Variants in AKAP19 observed in about 807,000 individuals in gnomAD.
The protein encoded by AKAP19 is A-kinase anchoring protein 19, also known as small A-kinase anchoring protein.
chr2:190,148,483 C>T, the AKAP19 span, among the ~76,000 whole-genome samples: 1 of 152,046 alleles, frequency 6.6e-6, no homozygotes, highest in African/African-American at 2.4e-5. Flanking sequence ...TGGTTATGTC[C>T]TTTCCTGGTT....
the AKAP19 span, among the ~76,000 whole-genome samples, chr2:189,986,988 T>A: frequency 6.6e-6 from 1 of 152,052 alleles, no homozygotes; most frequent in Non-Finnish European, 1.5e-5. Context: ...TTAGAAAACA[T>A]GTCCAAAAAA....
the AKAP19 span, among the ~76,000 whole-genome samples, chr2:190,182,815 G>C: frequency 3.9e-5 from 6 of 152,194 alleles, no homozygotes; most frequent in Non-Finnish European, 8.8e-5. Flanking sequence ...AAGCAAAGGA[G>C]ACAAAAATAA....
the AKAP19 span, among the ~76,000 whole-genome samples, chr2:190,096,080 A>G: frequency 6.6e-6 from 1 of 152,146 alleles, no homozygotes; most frequent in East Asian, 1.9e-4. Context: ...TCAGGAGTCA[A>G]AGAAGCTGAA....
the AKAP19 span, among the ~76,000 whole-genome samples, chr2:190,009,294 G>A: frequency 6.6e-6 from 1 of 152,130 alleles, no homozygotes; most frequent in African/African-American, 2.4e-5. Context: ...GATTCCAGGG[G>A]GCTAGAAGTA....
the AKAP19 span, among the ~76,000 whole-genome samples, chr2:189,995,446 T>C: frequency 1.8e-4 from 28 of 152,376 alleles, 1 homozygote; most frequent in Admixed American, 1.4e-3. Flanking sequence ...CTGCTCACTT[T>C]TGGTTTCCAT....
the AKAP19 span, among the ~76,000 whole-genome samples, chr2:189,902,805 A>G: frequency 2.0e-5 from 3 of 151,796 alleles, no homozygotes; most frequent in Non-Finnish European, 2.9e-5. Context: ...AATTTAGCCA[A>G]TAGGAAAGAG....
At chr2:189,938,440 C>T in the AKAP19 span, among the ~76,000 whole-genome samples, 1 of 151,710 alleles carries the variant, frequency 6.6e-6, no homozygotes, top group Non-Finnish European at 1.5e-5. Flanking sequence ...ATGGATGGAA[C>T]TGGAGGTCAT....
the AKAP19 span, among the ~76,000 whole-genome samples, chr2:190,013,401 A>C: frequency 3.3e-5 from 5 of 152,202 alleles, no homozygotes; most frequent in African/African-American, 1.2e-4. Context: ...ATAATTGTTC[A>C]TGGTAATCTC....
At chr2:190,161,377 A>G in the AKAP19 span, among the ~76,000 whole-genome samples, 1 of 152,176 alleles carries the variant, frequency 6.6e-6, no homozygotes, top group Non-Finnish European at 1.5e-5. Context: ...CCTATCAAGT[A>G]GCATACCTAT....
the AKAP19 span, chr2:189,924,149 A>T: frequency 0.014 from 23,169 of 1,611,336 alleles, 190 homozygotes; most frequent in Non-Finnish European, 0.018. Flanking sequence ...TTGATCAAGG[A>T]TGATGAAAAA....
the AKAP19 span, among the ~76,000 whole-genome samples, chr2:189,956,192 C>T: frequency 2.5e-3 from 3 of 1,218 alleles, no homozygotes; most frequent in Non-Finnish European, 5.5e-3. Context: ...TTTTTTGAGA[C>T]GGAGTCTCGC....
chr2:190,180,432 G>C, the AKAP19 span: 1 of 978,096 alleles, frequency 1.0e-6, no homozygotes, highest in Middle Eastern at 5.3e-4. The surrounding 1 kb of genome is among the most constrained non-coding windows in gnomAD (Gnocchi z 6.8). Flanking sequence ...TCGCAGCCCA[G>C]GGGGCCGAGA....
chr2:190,202,815 C>T, the AKAP19 span: 1 of 167,042 alleles, frequency 6.0e-6, no homozygotes, highest in Non-Finnish European at 1.5e-5. Flanking sequence ...GTGCAAATTC[C>T]TTATTTACAA....
At chr2:190,038,232 C>A in the AKAP19 span, among the ~76,000 whole-genome samples, 1 of 152,180 alleles carries the variant, frequency 6.6e-6, no homozygotes, top group East Asian at 1.9e-4. Flanking sequence ...GATGACCATG[C>A]TATTGCCCCT....
At chr2:189,976,186 T>G in the AKAP19 span, among the ~76,000 whole-genome samples, 1 of 152,226 alleles carries the variant, frequency 6.6e-6, no homozygotes, top group Non-Finnish European at 1.5e-5. Context: ...TTGTTAGTTT[T>G]CCTTCTAACA....
the AKAP19 span, among the ~76,000 whole-genome samples, chr2:190,134,707 T>C: frequency 2.4e-5 from 2 of 83,120 alleles, no homozygotes; most frequent in Non-Finnish European, 5.4e-5. Flanking sequence ...GGAAGTTAAC[T>C]TTAAATGTGT....
At chr2:190,126,533 C>G in the AKAP19 span, among the ~76,000 whole-genome samples, 2 of 151,730 alleles carry the variant, frequency 1.3e-5, no homozygotes, top group Non-Finnish European at 2.9e-5. Flanking sequence ...TCTTAAAGAG[C>G]TTTACCTCAC....
At chr2:190,147,175 T>C in the AKAP19 span, among the ~76,000 whole-genome samples, 1 of 152,348 alleles carries the variant, frequency 6.6e-6, no homozygotes, top group Non-Finnish European at 1.5e-5. Flanking sequence ...TTGATTTGTG[T>C]ATAAGGTGAG....
chr2:189,986,970 A>C, the AKAP19 span, among the ~76,000 whole-genome samples: 1 of 152,144 alleles, frequency 6.6e-6, no homozygotes, highest in Admixed American at 6.6e-5. Context: ...GTCAGGAAAA[A>C]GGCAGGCTTA....
Sources: gnomAD v4.1 joint callset for allele counts (sites outside exome capture counted in the v4.1 genomes callset) on GRCh38, gnomAD v4.1.1 for gene constraint, Gnocchi (gnomAD v3.1) non-coding constraint, MANE v1.5 for transcripts, NCBI Gene and HGNC (gene_info 2026-07-23, HGNC 2026-07-21) for gene names.